Variants in FCHSD2 observed in about 807,000 individuals in gnomAD.
The protein encoded by FCHSD2 is F-BAR and double SH3 domains protein 2.
In FCHSD2, 38 loss-of-function variants were observed where a neutral mutation model predicts 108.1. The ratio of observed to expected loss-of-function variants is 0.35; its 90% CI spans 0.27 to 0.46. FCHSD2 has a LOEUF of 0.46. FCHSD2 is among the 20% of genes least tolerant of loss of function. The pLI, the probability that FCHSD2 is intolerant of heterozygous loss-of-function variation, is 1.00. For synonymous variants in FCHSD2, 279 were observed against 314.7 expected (o/e 0.89, Z 1.20); for missense variants, 751 against 897.8 (o/e 0.84, Z 2.09).
chr11:72,843,471 C>T lies in FCHSD2; in HGVS notation c.1505G>A (p.Gly502Glu). Residue 502 changes from glycine (G) to glutamate (E), a missense_variant, in exon 15 of 20, where the codon GGA becomes GAA. Transcript: ENST00000409418. The part of the protein sequence containing the change: ...EHEVLEVIED[G>E]DMEDWVKARN... Reference sequence around the variant, plus strand: ...TACCTTTACCCAGTCTTCCATATCTCCATCTTCAATCACTTCTAACACCTC... The same window carrying T: ...TACCTTTACCCAGTCTTCCATATCTTCATCTTCAATCACTTCTAACACCTC... 1 of 1,613,544 alleles carries T rather than the reference C, an allele frequency of 6.2e-7. No individual in the cohort carries two copies.
chr11:72,842,579 C>T, intron 17 of FCHSD2, 42 bp downstream of exon 17: 1 of 1,611,462 alleles, frequency 6.2e-7, no homozygotes, highest in South Asian at 1.1e-5. Context: ...GAGCAATTTT[C>T]TTTAAACATC....
intron 14 of FCHSD2, among the ~76,000 whole-genome samples, chr11:72,846,919 CATA>C (rs1861161474): frequency 6.6e-6 from 1 of 152,064 alleles, no homozygotes; most frequent in Admixed American, 6.5e-5. Flanking sequence ...CAGTAAGTTT[CATA>C]ATATTATATG....
chr11:72,899,735 T>TAAAAAAAA (rs10674308), intron 10 of FCHSD2, among the ~76,000 whole-genome samples: 2 of 72,728 alleles, frequency 2.7e-5, no homozygotes, highest in Middle Eastern at 0.01. Flanking sequence ...GACCCTATCT[T>TAAAAAAAA]AAAAAAAAAA....
intron 2 of FCHSD2, among the ~76,000 whole-genome samples, chr11:73,114,919 G>A (rs115125910): frequency 7.2e-5 from 11 of 152,186 alleles, no homozygotes; most frequent in African/African-American, 1.7e-4. Flanking sequence ...TCCCTCGGAC[G>A]CCATGGCTGG....
At chr11:73,128,950 C>A (rs964724205) in intron 2 of FCHSD2, among the ~76,000 whole-genome samples, 3 of 152,198 alleles carry the variant, frequency 2.0e-5, no homozygotes, top group Non-Finnish European at 2.9e-5. Flanking sequence ...CAGCTCACTG[C>A]AACCTCCATC....
chr11:72,898,208 G>A (rs1308354607), intron 10 of FCHSD2, among the ~76,000 whole-genome samples: 1 of 152,136 alleles, frequency 6.6e-6, no homozygotes, highest in East Asian at 1.9e-4. Context: ...AGGGAAAACA[G>A]TGTAGTTTGA....
intron 3 of FCHSD2, among the ~76,000 whole-genome samples, chr11:73,059,811 C>G (rs1859118644): frequency 6.6e-6 from 1 of 151,960 alleles, no homozygotes; most frequent in Non-Finnish European, 1.5e-5. Context: ...AATGAAAACC[C>G]ACGGTTAAGG....
chr11:72,898,973 G>C (rs1384956564), intron 10 of FCHSD2, among the ~76,000 whole-genome samples: 1 of 151,956 alleles, frequency 6.6e-6, no homozygotes, highest in Non-Finnish European at 1.5e-5. Context: ...TCGAACTCCT[G>C]GGCTCAAGCA....
chr11:73,030,668 A>G (rs897386057), intron 3 of FCHSD2, among the ~76,000 whole-genome samples: 6 of 152,204 alleles, frequency 3.9e-5, no homozygotes, highest in African/African-American at 9.7e-5. Flanking sequence ...ACAAAGAAAA[A>G]TATATTAATA....
At chr11:72,934,048 G>T (rs571650252) in intron 8 of FCHSD2, among the ~76,000 whole-genome samples, 3 of 137,478 alleles carry the variant, frequency 2.2e-5, no homozygotes, top group Non-Finnish European at 3.0e-5. Flanking sequence ...GGTTGAGGCT[G>T]CAGTGAGCCA....
In FCHSD2 at chr11:72,995,518, A is replaced by G. The variant is rs961419428; in HGVS notation, c.387+5472T>C. 4.6e-5 allele frequency among the ~76,000 whole-genome samples: 7 copies of G among 152,036 alleles called. No individual in the cohort carries two copies. The East Asian group carries it at 1.4e-3, about 29-fold the overall frequency. Reference sequence around the variant, plus strand: ...GGAGTTCGAGACCACCCTGGGCAACATGGTGAAACCTCATCTCTAAAAAAA... The same window carrying G: ...GGAGTTCGAGACCACCCTGGGCAACGTGGTGAAACCTCATCTCTAAAAAAA... On this transcript the variant is annotated intron_variant, in intron 5 of 19. Transcript: ENST00000409418.
chr11:72,840,688 A>T (rs995037556), intron 19 of FCHSD2, among the ~76,000 whole-genome samples, 189 bp downstream of exon 19: 1 of 152,204 alleles, frequency 6.6e-6, no homozygotes, highest in Non-Finnish European at 1.5e-5. Flanking sequence ...TCCAGTGTAG[A>T]TTAAATGTCC....
At chr11:73,123,437 C>T (rs2135561349) in intron 2 of FCHSD2, among the ~76,000 whole-genome samples, 1 of 152,298 alleles carries the variant, frequency 6.6e-6, no homozygotes, top group Middle Eastern at 3.4e-3. Context: ...GAATCATATG[C>T]TATGGCTTTT....
chr11:72,973,142 C>T (rs184871339), intron 8 of FCHSD2, among the ~76,000 whole-genome samples: 29 of 152,138 alleles, frequency 1.9e-4, no homozygotes, highest in African/African-American at 5.1e-4. Context: ...CCAAGGCAGG[C>T]GGATCACCTG....
intron 2 of FCHSD2, among the ~76,000 whole-genome samples, chr11:73,137,917 CT>C (rs1335904732): frequency 1.3e-5 from 2 of 152,158 alleles, no homozygotes; most frequent in African/African-American, 4.8e-5. Flanking sequence ...AGTGTTTGAC[CT>C]TTATCCAGAA....
intron 8 of FCHSD2, among the ~76,000 whole-genome samples, chr11:72,942,484 C>A (rs999843072): frequency 6.6e-6 from 1 of 152,096 alleles, no homozygotes; most frequent in African/African-American, 2.4e-5. Context: ...AAAGGACTTA[C>A]GTGTATAACA....
At chr11:72,962,491 T>C (rs1173937372) in intron 8 of FCHSD2, among the ~76,000 whole-genome samples, 1 of 152,198 alleles carries the variant, frequency 6.6e-6, no homozygotes, top group Admixed American at 6.5e-5. Context: ...GCGATTGATA[T>C]TCACTGTAAA....
intron 3 of FCHSD2, among the ~76,000 whole-genome samples, chr11:73,074,561 T>TA (rs1427693889): frequency 2.6e-4 from 39 of 152,222 alleles, no homozygotes; most frequent in African/African-American, 9.1e-4. Flanking sequence ...AATATACCCT[T>TA]AAGTAGGACA....
chr11:72,913,066 G>A (rs1855795260), intron 9 of FCHSD2, among the ~76,000 whole-genome samples: 1 of 152,060 alleles, frequency 6.6e-6, no homozygotes. Context: ...GAAGGGGGAG[G>A]TGCTACACAC....
Sources: gnomAD v4.1 joint callset for allele counts (sites outside exome capture counted in the v4.1 genomes callset) on GRCh38, gnomAD v4.1.1 for gene constraint, MANE v1.5 for transcripts, NCBI Gene and HGNC (gene_info 2026-07-23, HGNC 2026-07-21) for gene names.